The following RORA variants were observed in gnomAD, a reference collection of about 807,000 sequenced individuals.
The protein encoded by RORA is nuclear receptor ROR-alpha.
A neutral mutation model predicts 69.5 loss-of-function variants in RORA; 7 were observed. That is an observed-to-expected ratio of 0.10 (90% CI 0.06 to 0.19). The LOEUF (loss-of-function observed/expected upper bound fraction) is 0.19, where lower values mean the gene tolerates loss of function less well. Ranked by LOEUF, RORA falls within the 10% of genes least tolerant of loss-of-function variation. The pLI, the probability that RORA is intolerant of heterozygous loss-of-function variation, is 1.00. For missense variants in RORA, 457 were observed against 663.0 expected (o/e 0.69, Z 3.41); for synonymous variants, 261 against 240.8 (o/e 1.08, Z -0.78).
intron 1 of RORA, among the ~76,000 whole-genome samples, chr15:60,877,135 T>A (rs1447423324): frequency 1.3e-5 from 2 of 152,186 alleles, no homozygotes; most frequent in East Asian, 3.9e-4. Context: ...GGGGAAGACT[T>A]TTTAGAAGAA....
chr15:60,865,089 T>C (rs912915457), intron 1 of RORA, among the ~76,000 whole-genome samples: 6 of 152,210 alleles, frequency 3.9e-5, no homozygotes, highest in African/African-American at 1.2e-4. Context: ...GGTTCTCCCA[T>C]TGCCTGGTCC....
intron 1 of RORA, among the ~76,000 whole-genome samples, chr15:61,142,693 A>G (rs2079311066): frequency 6.6e-6 from 1 of 152,240 alleles, no homozygotes. Context: ...GGATACCAGG[A>G]TCATTCAAGA....
At chr15:61,051,155 G>T (rs114907760) in intron 1 of RORA, among the ~76,000 whole-genome samples, 247 of 152,330 alleles carry the variant, frequency 1.6e-3, no homozygotes, top group African/African-American at 5.8e-3. Context: ...ATCTGAGCAG[G>T]GTGTGGAAGG....
At chr15:60,709,491 C>A (rs2071113666) in intron 1 of RORA, among the ~76,000 whole-genome samples, 1 of 152,098 alleles carries the variant, frequency 6.6e-6, no homozygotes, top group African/African-American at 2.4e-5. Flanking sequence ...AACTGGACCG[C>A]ACAGCAGGAG....
intron 1 of RORA, among the ~76,000 whole-genome samples, chr15:61,165,874 C>G (rs899556663): frequency 6.6e-6 from 1 of 152,194 alleles, no homozygotes; most frequent in African/African-American, 2.4e-5. Context: ...CATTTAATCC[C>G]CACAACTACT....
At chr15:61,120,362 T>C (rs531019744) in intron 1 of RORA, among the ~76,000 whole-genome samples, 11 of 151,082 alleles carry the variant, frequency 7.3e-5, no homozygotes, top group African/African-American at 2.2e-4. Flanking sequence ...AGGTCTGATA[T>C]GCAAGCAGAG....
intron 1 of RORA, among the ~76,000 whole-genome samples, chr15:61,005,277 C>T (rs1028275268): frequency 1.3e-5 from 2 of 152,048 alleles, no homozygotes; most frequent in Non-Finnish European, 2.9e-5. Context: ...GTCAGGAGTT[C>T]GAGATCAGCC....
chr15:61,221,753 T>A (rs1056573407), intron 1 of RORA, among the ~76,000 whole-genome samples: 2 of 152,196 alleles, frequency 1.3e-5, no homozygotes, highest in African/African-American at 4.8e-5. Context: ...TTTCAGTGGC[T>A]TGAGGATCCT....
At chr15:60,720,799 A>C (rs1473407501) in intron 1 of RORA, among the ~76,000 whole-genome samples, 1 of 152,334 alleles carries the variant, frequency 6.6e-6, no homozygotes, top group South Asian at 2.1e-4. Context: ...AATGACTAAT[A>C]ACGGGCGGCT....
intron 1 of RORA, among the ~76,000 whole-genome samples, chr15:61,032,587 G>A (rs1896230228): frequency 6.6e-6 from 1 of 152,080 alleles, no homozygotes; most frequent in Non-Finnish European, 1.5e-5. Context: ...TTGGACCAAG[G>A]GTGGATATTA....
intron 1 of RORA, among the ~76,000 whole-genome samples, chr15:60,897,525 G>A (rs1891262648): frequency 6.6e-6 from 1 of 152,180 alleles, no homozygotes; most frequent in Non-Finnish European, 1.5e-5. Context: ...TCCCTATTCT[G>A]GGGGTGAGGA....
rs1213538605 is a variant in RORA at position 60,967,929 on chromosome 15, T to C, written c.166+261124A>G. On this transcript the variant is annotated intron_variant, in intron 1 of 10. Transcript: ENST00000335670. ...ATCTCCCCTGCCTCCACAGAGCCCC[T>C]TATCAAACTCCCATCACAGAACACA... 2.0e-5 allele frequency among the ~76,000 whole-genome samples: 3 copies of C among 152,158 alleles called. No individual in the cohort carries two copies. In the East Asian group the frequency reaches 5.8e-4, roughly 29 times the overall value.
At chr15:60,607,297 T>C (rs1472033595) in intron 2 of RORA, among the ~76,000 whole-genome samples, 2 of 152,192 alleles carry the variant, frequency 1.3e-5, no homozygotes, top group Non-Finnish European at 2.9e-5. Flanking sequence ...AAGGACGTAT[T>C]AACCCATGAA....
chr15:61,151,272 G>C (rs1378161242), intron 1 of RORA, among the ~76,000 whole-genome samples: 1 of 152,286 alleles, frequency 6.6e-6, no homozygotes, highest in East Asian at 1.9e-4. Context: ...TTAGGCAATA[G>C]AGCCAGGCCT....
intron 1 of RORA, among the ~76,000 whole-genome samples, chr15:61,116,146 A>G (rs1192501135): frequency 2.0e-5 from 3 of 152,164 alleles, no homozygotes; most frequent in African/African-American, 7.2e-5. Flanking sequence ...GGGCAAGATG[A>G]ATTGGGACAG....
chr15:60,515,069 G>A (rs1221578634), intron 3 of RORA, among the ~76,000 whole-genome samples: 1 of 152,176 alleles, frequency 6.6e-6, no homozygotes, highest in African/African-American at 2.4e-5. Flanking sequence ...CAATGTGCCT[G>A]ATGGAATGAT....
At position 61,145,772 on chromosome 15, in the gene RORA, C is replaced by T. The variant is rs555096199; in HGVS notation, c.166+83281G>A. ...CCTCTTTGAATTGCCATCAGAAAAA[C>T]GATCAGGGGAAATATGTTCAGCCAA... On this transcript the variant is annotated intron_variant, in intron 1 of 10. Coordinates refer to ENST00000335670, the MANE Select transcript of RORA (RefSeq NM_134261.3). 1.1e-4 allele frequency among the ~76,000 whole-genome samples: 16 copies of T among 152,202 alleles called. No homozygotes were observed. In the South Asian group the frequency reaches 3.1e-3, roughly 30 times the overall value.
At chr15:60,528,999 A>C (rs2066449437) in intron 3 of RORA, 1 of 152,224 alleles carries the variant, frequency 6.6e-6, no homozygotes, top group Non-Finnish European at 1.5e-5. Context: ...AAGAGCCAGA[A>C]ATGACAGAAA....
intron 1 of RORA, among the ~76,000 whole-genome samples, chr15:61,138,496 T>G (rs1003173214): frequency 4.1e-4 from 62 of 152,162 alleles, no homozygotes; most frequent in African/African-American, 1.4e-3. Context: ...CCAGTTGCAA[T>G]GTTTGCCTGT....
Sources: gnomAD v4.1 joint callset for allele counts (sites outside exome capture counted in the v4.1 genomes callset) on GRCh38, gnomAD v4.1.1 for gene constraint, MANE v1.5 for transcripts, NCBI Gene and HGNC (gene_info 2026-07-23, HGNC 2026-07-21) for gene names.